SMARCC1: variants seen among roughly 807,000 people sequenced by gnomAD.
SMARCC1 encodes the protein SWI/SNF related BAF chromatin remodeling complex subunit C1.
A neutral mutation model predicts 147.4 loss-of-function variants in SMARCC1; 43 were observed. That is an observed-to-expected ratio of 0.29 (90% confidence interval 0.23 to 0.38). The LOEUF is 0.38. Ranked by LOEUF, SMARCC1 falls within the 10% of genes least tolerant of loss-of-function variation. The probability of loss-of-function intolerance (pLI) is 1.00; values close to 1 mark genes in which losing one functional copy is unlikely to be tolerated. For missense variants in SMARCC1, 1,119 were observed against 1,381.1 expected (o/e 0.81, Z 3.01); for synonymous variants, 495 against 484.4 (o/e 1.02, Z -0.29).
chr3:47,604,373 C>A, intron 26 of SMARCC1: 1 of 442,946 alleles, frequency 2.3e-6, no homozygotes, highest in Non-Finnish European at 4.5e-6. Flanking sequence ...TTATTCCCAT[C>A]ATATATCATA....
chr3:47,687,989 T>C (rs2033745987), intron 13 of SMARCC1, among the ~76,000 whole-genome samples: 1 of 152,130 alleles, frequency 6.6e-6, no homozygotes, highest in Non-Finnish European at 1.5e-5. Context: ...GCTGGGTGTG[T>C]TGGCTCACAC....
chr3:47,588,058 T>C lies in SMARCC1; in HGVS notation c.*151A>G, dbSNP rs2032102379. 2 of 608,486 alleles carry C rather than the reference T, an allele frequency of 3.3e-6. No individual in the cohort carries two copies. The highest frequency in any genetic ancestry group is 6.1e-5 in the Admixed American group (2 of 32,674). 37.7% of individuals were successfully genotyped at this position (608,486 alleles called of 1,614,324 possible). ...ACACAAAAAGTGTCAGAGAGAGGGG[T>C]GGTAAGAGGAGTGGGGAGGCACGGG... On this transcript the variant is annotated 3_prime_UTR_variant, in exon 28 of 28. Coordinates refer to ENST00000254480, the MANE Select transcript of SMARCC1 (RefSeq NM_003074.4).
At chr3:47,623,920 G>C (rs1046953267) in intron 24 of SMARCC1, among the ~76,000 whole-genome samples, 2 of 150,412 alleles carry the variant, frequency 1.3e-5, no homozygotes, top group African/African-American at 2.4e-5. Context: ...GGAACTTGGT[G>C]GGGGGAGCGG....
At chr3:47,596,595 G>T (rs757444620) in intron 26 of SMARCC1, among the ~76,000 whole-genome samples, 1 of 151,150 alleles carries the variant, frequency 6.6e-6, no homozygotes, top group Non-Finnish European at 1.5e-5. Flanking sequence ...AAATAAATAA[G>T]AAGAAGAAGA....
chr3:47,714,201 T>G (rs371919468), intron 8 of SMARCC1, among the ~76,000 whole-genome samples: 1 of 152,154 alleles, frequency 6.6e-6, no homozygotes, highest in Non-Finnish European at 1.5e-5. Flanking sequence ...CCGTCTCTAC[T>G]AAAAATACAA....
At chr3:47,779,493 C>A (rs1297921012) in intron 1 of SMARCC1, among the ~76,000 whole-genome samples, 1 of 152,192 alleles carries the variant, frequency 6.6e-6, no homozygotes, top group Non-Finnish European at 1.5e-5. Context: ...ATACGTTTCT[C>A]AATCTCAGTA....
At chr3:47,633,184 T>C (rs1273992246) in intron 24 of SMARCC1, among the ~76,000 whole-genome samples, 1 of 152,202 alleles carries the variant, frequency 6.6e-6, no homozygotes, top group Non-Finnish European at 1.5e-5. Context: ...ATGTGAGTTA[T>C]ACTTAAGAAC....
intron 2 of SMARCC1, among the ~76,000 whole-genome samples, chr3:47,768,496 T>C (rs1285037450): frequency 1.3e-5 from 2 of 152,214 alleles, no homozygotes; most frequent in Admixed American, 6.6e-5. Flanking sequence ...AAAAGATTCA[T>C]ACATTCCTAA....
chr3:47,738,757 T>C (rs1319464119), intron 3 of SMARCC1, among the ~76,000 whole-genome samples: 1 of 152,214 alleles, frequency 6.6e-6, no homozygotes, highest in Non-Finnish European at 1.5e-5. Flanking sequence ...ATCTTGGGTA[T>C]TTAATTCTAA....
Position 47,586,879 on chromosome 3 carries a change from G to A in SMARCC1, c.*1330C>T, listed in dbSNP as rs1323074417. 1.3e-5 allele frequency: 2 copies of A among 152,466 alleles called. No individual in the cohort carries two copies. Among genetic ancestry groups the A allele is most frequent in the South Asian group, 2.1e-4 (1 of 4,814 alleles). The allele number at this position is 152,466 out of a possible 1,614,324, so 9.4% of individuals were successfully genotyped here. ...GTCACTTATCAGCAGGGGTAAATAC[G>A]AGCTCAAATTAAGGCATTTTTGTGG... On this transcript the variant is annotated 3_prime_UTR_variant, in exon 28 of 28. Coordinates refer to ENST00000254480, the MANE Select transcript of SMARCC1 (RefSeq NM_003074.4).
At chr3:47,725,528 G>A (rs1261317908) in intron 6 of SMARCC1, among the ~76,000 whole-genome samples, 3 of 151,890 alleles carry the variant, frequency 2.0e-5, no homozygotes, top group Admixed American at 6.6e-5. Flanking sequence ...TTGGCTCACC[G>A]CAACCTCCGC....
At chr3:47,645,695 G>A (rs1032875113) in intron 21 of SMARCC1, among the ~76,000 whole-genome samples, 4 of 152,198 alleles carry the variant, frequency 2.6e-5, no homozygotes, top group African/African-American at 9.7e-5. Context: ...TAATGTGGGA[G>A]AAACGCAATA....
intron 21 of SMARCC1, among the ~76,000 whole-genome samples, chr3:47,653,122 T>TA (rs2033214244): frequency 3.3e-5 from 5 of 151,934 alleles, no homozygotes; most frequent in Admixed American, 3.3e-4. Flanking sequence ...CGCGCCCGGC[T>TA]AATTTTTTGT....
intron 10 of SMARCC1, among the ~76,000 whole-genome samples, chr3:47,702,401 A>G (rs1407355504): frequency 6.6e-6 from 1 of 152,134 alleles, no homozygotes; most frequent in East Asian, 1.9e-4. Flanking sequence ...TACATCATAG[A>G]GAGATTGTAA....
intron 21 of SMARCC1, among the ~76,000 whole-genome samples, chr3:47,648,882 G>A (rs2033152587): frequency 6.6e-6 from 1 of 152,006 alleles, no homozygotes; most frequent in African/African-American, 2.4e-5. Context: ...CACAGCAAGG[G>A]GAATATCTCA....
chr3:47,694,418 T>C (rs1045090722), intron 11 of SMARCC1, among the ~76,000 whole-genome samples: 1 of 152,066 alleles, frequency 6.6e-6, no homozygotes, highest in Non-Finnish European at 1.5e-5. Flanking sequence ...TTGGCCAACA[T>C]GGTGAAATTC....
intron 9 of SMARCC1, among the ~76,000 whole-genome samples, chr3:47,707,479 C>T (rs924048248): frequency 1.3e-5 from 2 of 151,968 alleles, no homozygotes; most frequent in African/African-American, 4.8e-5. Context: ...ACAGCAACTA[C>T]CAATTTAATA....
Position 47,781,715 on chromosome 3 carries a change from A to G in SMARCC1, c.83T>C (p.Leu28Pro). The G allele has an allele frequency of 6.4e-7, 1 of 1,557,554 alleles. No individual in the cohort carries two copies. Among genetic ancestry groups the G allele is most frequent in the East Asian group, 2.7e-5 (1 of 37,666 alleles). ...CCCATCCTTCCGTCGATAAACAGCT[A>G]GGCCTGCGGCTGCCGCCGCAATCCC... ...GSGIAAAAAGLAVYRRKDGGP... is the reference protein window; with the variant it reads ...GSGIAAAAAGPAVYRRKDGGP... The change falls in exon 1 of 28, where the codon CTA becomes CCA. Residue 28 changes from leucine to proline, a missense_variant. This residue lies in a region of SMARCC1 where 542 missense variants were observed against 611.8 expected (regional missense o/e 0.89). Coordinates refer to ENST00000254480, the MANE Select transcript of SMARCC1 (RefSeq NM_003074.4).
At chr3:47,671,736 A>G (rs2033505343) in intron 18 of SMARCC1, among the ~76,000 whole-genome samples, 1 of 152,248 alleles carries the variant, frequency 6.6e-6, no homozygotes, top group African/African-American at 2.4e-5. Context: ...TCATGCAGCT[A>G]TAAACATTAC....
Sources: allele counts gnomAD v4.1 joint callset (sites outside exome capture counted in the v4.1 genomes callset), GRCh38; gene constraint gnomAD v4.1.1; regional missense constraint gnomAD v4.1.1; transcripts MANE v1.5; gene names NCBI Gene and HGNC (gene_info 2026-07-23, HGNC 2026-07-21).